Variants in PLXDC2 observed in about 807,000 individuals in gnomAD.
PLXDC2 encodes the protein plexin domain containing 2.
PLXDC2 carries 40 observed loss-of-function variants against 68.9 expected under a neutral mutation model. The ratio of observed to expected loss-of-function variants is 0.58; its 90% CI spans 0.45 to 0.76. The LOEUF (loss-of-function observed/expected upper bound fraction) is 0.76. Among genes scored for constraint, PLXDC2 ranks in the 30% least tolerant of loss-of-function variants. The pLI, the probability that PLXDC2 is intolerant of heterozygous loss-of-function variation, is 0.00. For missense variants in PLXDC2, 644 were observed against 661.9 expected (o/e 0.97, Z 0.30); for synonymous variants, 243 against 234.2 (o/e 1.04, Z -0.34).
intron 2 of PLXDC2, among the ~76,000 whole-genome samples, chr10:20,023,226 G>C (rs1180592135): frequency 1.3e-5 from 2 of 151,628 alleles, no homozygotes; most frequent in African/African-American, 4.8e-5. Context: ...TAGAATAAAT[G>C]ATCGATAAAT....
chr10:20,256,021 AC>A (rs1210844778), intron 13 of PLXDC2, among the ~76,000 whole-genome samples: 1 of 152,158 alleles, frequency 6.6e-6, no homozygotes, highest in Non-Finnish European at 1.5e-5. Flanking sequence ...TCAGCTAATT[AC>A]TACATTTGTA....
rs146568168 is a variant in PLXDC2 at position 20,186,164 on chromosome 10, A to T, written c.1061+8755A>T. ...CTTTGCTAAAAAAAGTCCTTGCTGAAATATCAGATTCAACAAAATTATTTA... is the reference window on the plus strand; with the variant it reads ...CTTTGCTAAAAAAAGTCCTTGCTGATATATCAGATTCAACAAAATTATTTA... On this transcript the variant is annotated intron_variant, in intron 9 of 13. Coordinates refer to ENST00000377252, the MANE Select transcript of PLXDC2 (RefSeq NM_032812.9). 1.1e-3 allele frequency among the ~76,000 whole-genome samples: 170 copies of T among 152,098 alleles called. 2 individuals carry two copies. The highest frequency in any genetic ancestry group is 3.9e-3 in the African/African-American group (163 of 41,542).
Position 19,870,898 on chromosome 10 carries a change from T to C in PLXDC2, c.112+53707T>C, listed in dbSNP as rs532037259. On this transcript the variant is annotated intron_variant, in intron 1 of 13. Coordinates refer to ENST00000377252, the MANE Select transcript of PLXDC2 (RefSeq NM_032812.9). ...TGCTTACATGCATGATCTCATGTAA[T>C]ACATACAGCAAAGCAGGTTCCATCA... Among the ~76,000 whole-genome samples the C allele has an allele frequency of 4.6e-5, 7 of 152,358 alleles. No individual in the cohort carries two copies. The East Asian group carries it at 1.2e-3, about 25-fold the overall frequency.
intron 4 of PLXDC2, among the ~76,000 whole-genome samples, chr10:20,134,199 A>T (rs1456808603): frequency 6.6e-6 from 1 of 152,184 alleles, no homozygotes; most frequent in Non-Finnish European, 1.5e-5. Flanking sequence ...TTTGTCAGGC[A>T]GTTCATAGAT....
At chr10:19,934,270 C>T (rs948271273) in intron 1 of PLXDC2, among the ~76,000 whole-genome samples, 1 of 152,156 alleles carries the variant, frequency 6.6e-6, no homozygotes, top group Admixed American at 6.5e-5. Flanking sequence ...ATGCTCATGA[C>T]CATTCTTGAG....
intron 3 of PLXDC2, among the ~76,000 whole-genome samples, chr10:20,066,666 G>A (rs1836217443): frequency 6.6e-6 from 1 of 152,160 alleles, no homozygotes; most frequent in Non-Finnish European, 1.5e-5. Context: ...CTTTTATGAA[G>A]ATGAGGCTTG....
At position 20,125,634 on chromosome 10, in the gene PLXDC2, T is replaced by A. The variant is rs976018733; in HGVS notation, c.542-17661T>A. Among the ~76,000 whole-genome samples, 8 of 152,194 alleles carry A rather than the reference T, an allele frequency of 5.3e-5. 1 individual carries two copies. The highest frequency in any genetic ancestry group is 1.5e-5 in the Non-Finnish European group (1 of 68,032). ...GAGCAAAGAGAGGAATCAATGCAGC[T>A]ATAGAGAGAGCCTCTATAGAGCTCT... On this transcript the variant is annotated intron_variant, in intron 4 of 13. Transcript: ENST00000377252.
intron 4 of PLXDC2, among the ~76,000 whole-genome samples, chr10:20,142,134 A>G (rs958525730): frequency 6.6e-6 from 1 of 152,144 alleles, no homozygotes; most frequent in African/African-American, 2.4e-5. Flanking sequence ...AACAATGAAG[A>G]CTGCAATCTG....
intron 6 of PLXDC2, among the ~76,000 whole-genome samples, chr10:20,149,214 C>CTTTTTTTTTTTT (rs71200985): frequency 8.9e-6 from 1 of 112,388 alleles, no homozygotes. Context: ...ATTTTTCTTT[C>CTTTTTTTTTTTT]TTTTTTTTTC....
At chr10:20,116,299 T>G (rs971820186) in intron 4 of PLXDC2, among the ~76,000 whole-genome samples, 3 of 152,188 alleles carry the variant, frequency 2.0e-5, no homozygotes, top group Non-Finnish European at 4.4e-5. Context: ...AAGCTGCACT[T>G]GGAAGGTCTT....
chr10:19,919,345 A>G (rs1833421274), intron 1 of PLXDC2, among the ~76,000 whole-genome samples: 1 of 151,992 alleles, frequency 6.6e-6, no homozygotes, highest in South Asian at 2.1e-4. Flanking sequence ...TTAAAAAAGG[A>G]CATTATCTTG....
chr10:19,832,409 T>A (rs1340117380), intron 1 of PLXDC2, among the ~76,000 whole-genome samples: 5 of 152,318 alleles, frequency 3.3e-5, no homozygotes, highest in Admixed American at 2.0e-4. Flanking sequence ...TAAAATAGAC[T>A]GTTGTAGGTT....
chr10:20,232,665 G>A (rs1835380790), intron 12 of PLXDC2, among the ~76,000 whole-genome samples: 1 of 152,170 alleles, frequency 6.6e-6, no homozygotes, highest in Non-Finnish European at 1.5e-5. Context: ...TGAATTTCAA[G>A]TAAAATCAAG....
intron 4 of PLXDC2, among the ~76,000 whole-genome samples, chr10:20,137,979 G>T (rs1833955745): frequency 6.6e-6 from 1 of 152,166 alleles, no homozygotes; most frequent in South Asian, 2.1e-4. Context: ...TCCCTTAGCT[G>T]CCAGGAAAGG....
chr10:19,869,239 T>G (rs1837485765), intron 1 of PLXDC2, among the ~76,000 whole-genome samples: 1 of 151,766 alleles, frequency 6.6e-6, no homozygotes, highest in Admixed American at 6.6e-5. Flanking sequence ...TCACAAAAAG[T>G]ATGAAAATAC....
Position 20,151,319 on chromosome 10 carries a change from A to G in PLXDC2, c.783+3417A>G, listed in dbSNP as rs143517945. Among the ~76,000 whole-genome samples, 368 of 152,336 alleles carry G rather than the reference A, an allele frequency of 2.4e-3. 1 individual carries two copies. The highest frequency in any genetic ancestry group is 0.01 in the Middle Eastern group (3 of 294). ...CTTACAAAGTACTTTCACATGCATT[A>G]TAGCATTTAATTCCTCAATAGTTTC... On this transcript the variant is annotated intron_variant, in intron 6 of 13. Transcript: ENST00000377252.
intron 9 of PLXDC2, among the ~76,000 whole-genome samples, chr10:20,190,878 C>G (rs1049035234): frequency 6.6e-6 from 1 of 151,774 alleles, no homozygotes; most frequent in Non-Finnish European, 1.5e-5. Context: ...AAAAGCTATA[C>G]CCCAGAAAAT....
chr10:19,872,161 A>T (rs1327295268), intron 1 of PLXDC2, among the ~76,000 whole-genome samples: 2 of 152,212 alleles, frequency 1.3e-5, no homozygotes, highest in Admixed American at 1.3e-4. Context: ...TTCAGGGACC[A>T]TTAGCCATGA....
intron 7 of PLXDC2, among the ~76,000 whole-genome samples, chr10:20,172,012 TGACAGAAACGCCAAAA>T (rs148378425): frequency 0.018 from 2,802 of 152,032 alleles, 38 homozygotes; most frequent in Non-Finnish European, 0.028. Flanking sequence ...ACTATTTGGG[TGACAGAAACGCCAAAA>T]GCACAGACTT....
Sources: gnomAD v4.1 joint callset for allele counts (sites outside exome capture counted in the v4.1 genomes callset) on GRCh38, gnomAD v4.1.1 for gene constraint, MANE v1.5 for transcripts, NCBI Gene and HGNC (gene_info 2026-07-23, HGNC 2026-07-21) for gene names.